SNTG1: variants seen among roughly 807,000 people sequenced by gnomAD.
SNTG1 encodes gamma-1-syntrophin.
In SNTG1, 39 loss-of-function variants were observed where a neutral mutation model predicts 74.7. The observed-to-expected ratio is 0.52, with a 90% CI of 0.40 to 0.68. The LOEUF is 0.68. Ranked by LOEUF, SNTG1 falls within the 30% of genes least tolerant of loss-of-function variation. The probability of loss-of-function intolerance (pLI) is 0.00; values close to 1 mark genes in which losing one functional copy is unlikely to be tolerated. For missense variants in SNTG1, 685 were observed against 609.5 expected (o/e 1.12, Z -1.30); for synonymous variants, 254 against 217.1 (o/e 1.17, Z -1.49).
At chr8:50,130,727 G>T (rs1356160963) in intron 1 of SNTG1, among the ~76,000 whole-genome samples, 1 of 152,076 alleles carries the variant, frequency 6.6e-6, no homozygotes, top group Non-Finnish European at 1.5e-5. Flanking sequence ...TGCAAGGGAA[G>T]TCTGAGAATC....
chr8:50,436,644 A>T (rs1183632241), intron 4 of SNTG1, among the ~76,000 whole-genome samples: 1 of 152,180 alleles, frequency 6.6e-6, no homozygotes, highest in Non-Finnish European at 1.5e-5. Context: ...TATTAGCATC[A>T]TTGGCACATT....
At chr8:50,375,109 G>A (rs2092348630) in intron 2 of SNTG1, among the ~76,000 whole-genome samples, 1 of 152,142 alleles carries the variant, frequency 6.6e-6, no homozygotes, top group Non-Finnish European at 1.5e-5. Context: ...CTCTCCTGTA[G>A]AAGATTCTTG....
chr8:50,394,185 T>C (rs2092698801), intron 2 of SNTG1, 27 bp from the exon 3 acceptor site: 2 of 1,597,030 alleles, frequency 1.3e-6, no homozygotes, highest in Admixed American at 3.4e-5. Context: ...CTGTGCCTAA[T>C]GGCTTACCAT....
intron 2 of SNTG1, among the ~76,000 whole-genome samples, chr8:50,293,512 A>T (rs2089224662): frequency 6.6e-6 from 1 of 151,022 alleles, no homozygotes; most frequent in Admixed American, 6.6e-5. Context: ...TGGGTTCAAG[A>T]GATTCTCATG....
chr8:50,202,637 G>T (rs1586674589), intron 2 of SNTG1, among the ~76,000 whole-genome samples: 1 of 152,212 alleles, frequency 6.6e-6, no homozygotes, highest in East Asian at 1.9e-4. Flanking sequence ...TGGCAGCAGA[G>T]AATAAGTTGA....
intron 1 of SNTG1, among the ~76,000 whole-genome samples, chr8:50,002,377 T>C (rs968978211): frequency 9.2e-5 from 14 of 152,172 alleles, no homozygotes; most frequent in African/African-American, 2.7e-4. Context: ...CTTATTCATA[T>C]GTATGTAGAA....
At chr8:50,723,258 T>A (rs2095492098) in intron 17 of SNTG1, among the ~76,000 whole-genome samples, 1 of 152,194 alleles carries the variant, frequency 6.6e-6, no homozygotes, top group Non-Finnish European at 1.5e-5. Flanking sequence ...TTCAAAAATT[T>A]CATCATACAT....
intron 2 of SNTG1, among the ~76,000 whole-genome samples, chr8:50,330,784 ACAG>A (rs772357806): frequency 6.6e-6 from 1 of 152,166 alleles, no homozygotes; most frequent in African/African-American, 2.4e-5. Context: ...GGCAGGACAG[ACAG>A]CATGTGGGGA....
Position 49,999,523 on chromosome 8 carries a change from T to G in SNTG1, c.-103+87292T>G, listed in dbSNP as rs116236250. Among the ~76,000 whole-genome samples, 1,237 of 152,306 alleles carry G rather than the reference T, an allele frequency of 8.1e-3. 23 individuals carry two copies. The highest frequency in any genetic ancestry group is 0.028 in the African/African-American group (1,143 of 41,560). Reference sequence around the variant, plus strand: ...TCTCTCAGTGACTTACATCTCACTCTCCATGGCCTATGATGAGTCTGACCA... The same window carrying G: ...TCTCTCAGTGACTTACATCTCACTCGCCATGGCCTATGATGAGTCTGACCA... On this transcript the variant is annotated intron_variant, in intron 1 of 18. Coordinates refer to ENST00000642720, the MANE Select transcript of SNTG1 (RefSeq NM_018967.5).
intron 2 of SNTG1, among the ~76,000 whole-genome samples, chr8:50,262,854 A>G (rs2087264847): frequency 6.6e-6 from 1 of 152,200 alleles, no homozygotes. Context: ...ACAACATACA[A>G]TGCTACTCCA....
intron 1 of SNTG1, among the ~76,000 whole-genome samples, chr8:50,093,103 T>C (rs970387092): frequency 6.6e-6 from 1 of 152,010 alleles, no homozygotes; most frequent in Non-Finnish European, 1.5e-5. Context: ...AATGATGAGA[T>C]TCATATGTGG....
chr8:50,496,599 T>C (rs2093906662), intron 8 of SNTG1, among the ~76,000 whole-genome samples: 1 of 152,188 alleles, frequency 6.6e-6, no homozygotes, highest in Non-Finnish European at 1.5e-5. Context: ...AATAGATGAA[T>C]GGAACTTAAG....
intron 17 of SNTG1, among the ~76,000 whole-genome samples, chr8:50,712,637 T>C (rs1403304172): frequency 6.6e-6 from 1 of 152,130 alleles, no homozygotes; most frequent in South Asian, 2.1e-4. Context: ...GTATTTGACC[T>C]AATGTTATCC....
chr8:50,017,864 G>A (rs1816473593), intron 1 of SNTG1, among the ~76,000 whole-genome samples: 1 of 151,808 alleles, frequency 6.6e-6, no homozygotes, highest in African/African-American at 2.4e-5. Context: ...CATCTACGCA[G>A]AAGATAAAAA....
At chr8:49,943,650 T>C (rs1481803964) in intron 1 of SNTG1, among the ~76,000 whole-genome samples, 1 of 152,248 alleles carries the variant, frequency 6.6e-6, no homozygotes, top group East Asian at 1.9e-4. Flanking sequence ...AATCCATGCA[T>C]TTAAAATTTC....
chr8:50,376,330 A>G (rs1383258479), intron 2 of SNTG1, among the ~76,000 whole-genome samples: 1 of 152,206 alleles, frequency 6.6e-6, no homozygotes, highest in Non-Finnish European at 1.5e-5. Context: ...TGAGGTTTAC[A>G]TGTCCCAGAA....
At chr8:50,113,873 G>T (rs1455534976) in intron 1 of SNTG1, among the ~76,000 whole-genome samples, 1 of 151,868 alleles carries the variant, frequency 6.6e-6, no homozygotes, top group Non-Finnish European at 1.5e-5. Context: ...TAACAAACCT[G>T]CACGTTGTGC....
At chr8:50,175,384 G>A (rs2082960112) in intron 2 of SNTG1, among the ~76,000 whole-genome samples, 1 of 152,090 alleles carries the variant, frequency 6.6e-6, no homozygotes, top group African/African-American at 2.4e-5. Flanking sequence ...CAGACTAAAT[G>A]GATATTCATA....
In SNTG1 at chr8:50,527,398, A is replaced by G. The variant is rs373135368; in HGVS notation, c.467-2779A>G. Among the ~76,000 whole-genome samples, 33 of 152,094 alleles carry G rather than the reference A, an allele frequency of 2.2e-4. No individual in the cohort carries two copies. In the East Asian group the frequency reaches 3.1e-3, roughly 14 times the overall value. On this transcript the variant is annotated intron_variant, in intron 9 of 18. Transcript: ENST00000642720. Reference sequence around the variant, plus strand: ...ACTTGCCTACCCCAAGGTTGCAAAGATATTTTTTCTTATTTTCCTCTAGAG... The same window carrying G: ...ACTTGCCTACCCCAAGGTTGCAAAGGTATTTTTTCTTATTTTCCTCTAGAG...
Sources: allele counts gnomAD v4.1 joint callset (sites outside exome capture counted in the v4.1 genomes callset), GRCh38; gene constraint gnomAD v4.1.1; transcripts MANE v1.5; gene names NCBI Gene and HGNC (gene_info 2026-07-23, HGNC 2026-07-21).